Variants in ZNF790 observed in about 807,000 individuals in gnomAD.
ZNF790 encodes zinc finger protein 790.
A neutral mutation model predicts 12.1 loss-of-function variants in ZNF790; 8 were observed. The ratio of observed to expected loss-of-function variants is 0.66; its 90% CI spans 0.39 to 1.19. The LOEUF is 1.19. Among genes scored for constraint, ZNF790 ranks in the 50% most tolerant of loss-of-function variants. The pLI, the probability that ZNF790 is intolerant of heterozygous loss-of-function variation, is 0.01. For missense variants in ZNF790, 707 were observed against 752.2 expected, an observed-to-expected ratio of 0.94 and a Z score of 0.70; for synonymous variants, 252 against 244.3, an observed-to-expected ratio of 1.03 and a Z score of -0.29.
intron 1 of ZNF790, among the ~76,000 whole-genome samples, chr19:36,835,284 A>T (rs965795333): frequency 1.3e-5 from 2 of 152,072 alleles, no homozygotes; most frequent in South Asian, 2.1e-4. Context: ...CCGTCTCAAA[A>T]AAAATAAAAT....
At chr19:36,850,484 G>A (rs1323245239), upstream of ZNF790, 1 of 152,316 alleles carries the variant, frequency 6.6e-6, no homozygotes. Context: ...GCTGGGTGAA[G>A]GAGTTAAAGG....
intron 1 of ZNF790, among the ~76,000 whole-genome samples, chr19:36,836,496 C>T (rs1433069175): frequency 6.6e-6 from 1 of 151,912 alleles, no homozygotes; most frequent in African/African-American, 2.4e-5. Flanking sequence ...CGGTGGCTCA[C>T]GCCTGTAATC....
intron 1 of ZNF790, among the ~76,000 whole-genome samples, chr19:36,827,155 T>C (rs866889063): frequency 0.023 from 1,866 of 81,204 alleles, 82 homozygotes; most frequent in African/African-American, 0.061. Context: ...TATATATATA[T>C]ATATATATAT....
chr19:36,826,911 G>A lies in ZNF790; in HGVS notation c.-73-1219C>T, dbSNP rs369495319. On this transcript the variant is annotated intron_variant, in intron 1 of 4. Coordinates refer to ENST00000356725, the MANE Select transcript of ZNF790 (RefSeq NM_206894.4). ...AGGGGCTGTTCTGTGTGGGAAATGC[G>A]CGAGGGGAGAAGAAAAGACACACAA... is the stretch of plus-strand genomic sequence containing the variant. Among the ~76,000 whole-genome samples the A allele has an allele frequency of 1.8e-4, 27 of 149,984 alleles. No homozygotes were observed. In the East Asian group the frequency reaches 3.5e-3, roughly 20 times the overall value.
At chr19:36,837,993 T>G (rs2072080179) in intron 1 of ZNF790, 1 of 152,290 alleles carries the variant, frequency 6.6e-6, no homozygotes, top group Non-Finnish European at 1.5e-5. Context: ...TCACCACCTT[T>G]ACGAACGTGG....
chr19:36,826,936 A>G (rs987093346), intron 1 of ZNF790, among the ~76,000 whole-genome samples: 9 of 150,448 alleles, frequency 6.0e-5, no homozygotes, highest in African/African-American at 2.2e-4. Flanking sequence ...AAGACACACA[A>G]TACCTTTAAG....
chr19:36,833,373 C>T (rs1419081053), intron 1 of ZNF790, among the ~76,000 whole-genome samples: 1 of 152,164 alleles, frequency 6.6e-6, no homozygotes, highest in Non-Finnish European at 1.5e-5. Context: ...GAACTCCTGA[C>T]CTCAGGTGAT....
At chr19:36,835,803 C>G (rs1441022645) in intron 1 of ZNF790, among the ~76,000 whole-genome samples, 5 of 151,294 alleles carry the variant, frequency 3.3e-5, no homozygotes, top group Admixed American at 2.0e-4. Flanking sequence ...CTTCCTCTAT[C>G]TAGTAAGCAA....
At chr19:36,831,874 A>G (rs2071951243) in intron 1 of ZNF790, among the ~76,000 whole-genome samples, 1 of 152,204 alleles carries the variant, frequency 6.6e-6, no homozygotes, top group South Asian at 2.1e-4. Flanking sequence ...CCAAAATAGT[A>G]GCAAAACATG....
At chr19:36,823,209 G>C (rs1450302433) in intron 4 of ZNF790, 76 bp downstream of exon 4, 4 of 1,307,864 alleles carry the variant, frequency 3.1e-6, no homozygotes, top group African/African-American at 1.5e-5. Context: ...TATTTCAGAG[G>C]TGTTGCTGCC....
chr19:36,824,565 CCCAAAGTCTTAA>C (rs910271839), intron 2 of ZNF790, among the ~76,000 whole-genome samples: 4 of 152,284 alleles, frequency 2.6e-5, no homozygotes, highest in African/African-American at 9.6e-5. Context: ...ACCTTGGCCT[CCCAAAGTCTTAA>C]TGAGCCACTG....
intron 1 of ZNF790, among the ~76,000 whole-genome samples, chr19:36,835,814 T>A (rs1262379247): frequency 1.3e-5 from 2 of 151,404 alleles, no homozygotes; most frequent in African/African-American, 4.9e-5. Flanking sequence ...TAGTAAGCAA[T>A]GTGGCATCTC....
intron 1 of ZNF790, among the ~76,000 whole-genome samples, chr19:36,845,864 A>C (rs530326673): frequency 1.3e-5 from 2 of 151,774 alleles, no homozygotes; most frequent in East Asian, 3.9e-4. Context: ...GCTGGAGTGC[A>C]ATGGCATGAT....
intron 4 of ZNF790, among the ~76,000 whole-genome samples, chr19:36,822,274 TAA>T (rs571283723): frequency 6.6e-6 from 1 of 151,966 alleles, no homozygotes; most frequent in African/African-American, 2.4e-5. Context: ...AAAATGAGGT[TAA>T]AAAAATTTTT....
chr19:36,823,242 T>G, intron 4 of ZNF790, 43 bp downstream of exon 4: 2 of 1,542,888 alleles, frequency 1.3e-6, no homozygotes, highest in Non-Finnish European at 1.8e-6. Flanking sequence ...TGAGCTGTTA[T>G]CCACAACAAT....
Position 36,818,576 on chromosome 19 carries a change from C to CA in ZNF790, c.1767dup (p.Glu590Ter), listed in dbSNP as rs2071592532. The CA allele has an allele frequency of 6.2e-7, 1 of 1,610,584 alleles. No individual in the cohort carries two copies. Among genetic ancestry groups the CA allele is most frequent in the Non-Finnish European group, 8.5e-7 (1 of 1,177,058 alleles). ...AAGGTGTTCCCATAGTCTGTCCATT[C>CA]ACAGAGATTTGCACTATTATGAATT... On this transcript the variant is annotated frameshift_variant, in exon 5 of 5. Coordinates refer to ENST00000356725, the MANE Select transcript of ZNF790 (RefSeq NM_206894.4). LOFTEE classifies it low-confidence loss of function (END_TRUNC).
At chr19:36,843,120 A>C (rs2146093055), upstream of ZNF790, among the ~76,000 whole-genome samples, 1 of 152,202 alleles carries the variant, frequency 6.6e-6, no homozygotes, top group East Asian at 1.9e-4. Flanking sequence ...TTCCTGGATT[A>C]TTTGCCAATT....
At chr19:36,839,701 A>G (rs2072112320), upstream of ZNF790, among the ~76,000 whole-genome samples, 9 of 152,172 alleles carry the variant, frequency 5.9e-5, no homozygotes, top group Admixed American at 5.9e-4. Context: ...CTGTGTGATC[A>G]TTTCTGATAC....
At chr19:36,838,678 C>G (rs576037385), upstream of ZNF790, among the ~76,000 whole-genome samples, 1 of 152,298 alleles carries the variant, frequency 6.6e-6, no homozygotes, top group African/African-American at 2.4e-5. This position sits in a 1 kb window ranked among gnomAD's most constrained non-coding sequence, Gnocchi z 4.4. Flanking sequence ...GGACAGTAAG[C>G]CCAGGCCATC....
Sources: gnomAD v4.1 joint callset for allele counts (sites outside exome capture counted in the v4.1 genomes callset) on GRCh38, gnomAD v4.1.1 for gene constraint, Gnocchi (gnomAD v3.1) non-coding constraint, MANE v1.5 for transcripts, NCBI Gene and HGNC (gene_info 2026-07-23, HGNC 2026-07-21) for gene names.